The following SCUBE2 variants were observed in gnomAD, a reference collection of about 807,000 sequenced individuals.
SCUBE2 encodes the protein signal peptide, CUB and EGF-like domain-containing protein 2.
In SCUBE2, 114 loss-of-function variants were observed where a neutral mutation model predicts 125.9. The ratio of observed to expected loss-of-function variants is 0.91; its 90% confidence interval spans 0.78 to 1.06. The LOEUF (loss-of-function observed/expected upper bound fraction) is 1.06. SCUBE2 is among the 50% of genes least tolerant of loss of function. The probability of loss-of-function intolerance (pLI) is 0.00; values close to 1 mark genes in which losing one functional copy is unlikely to be tolerated. For synonymous variants in SCUBE2, 459 were observed against 492.9 expected, an observed-to-expected ratio of 0.93 and a Z score of 0.91; for missense variants, 1,255 against 1,301.8, an observed-to-expected ratio of 0.96 and a Z score of 0.55.
At chr11:9,077,756 C>A (rs78375458) in intron 3 of SCUBE2, among the ~76,000 whole-genome samples, 3,136 of 152,338 alleles carry the variant, frequency 0.021, 42 homozygotes, top group Non-Finnish European at 0.032. Context: ...CTCAAGGTCT[C>A]TCTGCAAGGC....
chr11:9,078,952 C>A (rs1178307406), intron 3 of SCUBE2, among the ~76,000 whole-genome samples: 3 of 152,156 alleles, frequency 2.0e-5, no homozygotes, highest in Non-Finnish European at 2.9e-5. Flanking sequence ...GTTTTAGTTT[C>A]TCTCTTTTTC....
rs148839920 is a variant in SCUBE2 at position 9,063,662 on chromosome 11, A to C, written c.850+2229T>G. Among the ~76,000 whole-genome samples, 590 of 152,352 alleles carry C rather than the reference A, an allele frequency of 3.9e-3. 4 individuals carry two copies. The highest frequency in any genetic ancestry group is 0.014 in the African/African-American group (570 of 41,574). On this transcript the variant is annotated intron_variant, in intron 7 of 22. Coordinates refer to ENST00000649792, the MANE Select transcript of SCUBE2 (RefSeq NM_001367977.2). The stretch of plus-strand genomic sequence containing the variant: ...TAAATACCTCTATCTCATTCGCCGG[A>C]TAAACTAATGAGAGACAAGACATAG...
chr11:9,044,228 T>C (rs977889721), intron 16 of SCUBE2, among the ~76,000 whole-genome samples: 5 of 152,204 alleles, frequency 3.3e-5, no homozygotes, highest in Admixed American at 2.0e-4. Flanking sequence ...AAACAACACA[T>C]AGCACTATTC....
chr11:9,027,246 C>T, intron 20 of SCUBE2, 118 bp downstream of exon 20: 1 of 925,574 alleles, frequency 1.1e-6, no homozygotes, highest in Non-Finnish European at 1.7e-6. Flanking sequence ...CTCATGTTCA[C>T]CTCTGCTCTA....
Position 9,047,290 on chromosome 11 carries a change from C to T in SCUBE2, c.2002+66G>A, listed in dbSNP as rs572875981. 5 of 1,550,602 alleles carry T rather than the reference C, an allele frequency of 3.2e-6. No homozygotes were observed. The Admixed American group carries it at 5.1e-5, about 16-fold the overall frequency. The stretch of plus-strand genomic sequence containing the variant: ...AGGGAGGATGGGCCAGACTTGCCTT[C>T]GGTTACCCTGAGTGTTTATGGAGCC... On this transcript the variant is annotated intron_variant, in intron 16 of 22. Coordinates refer to ENST00000649792, the MANE Select transcript of SCUBE2 (RefSeq NM_001367977.2).
intron 2 of SCUBE2, among the ~76,000 whole-genome samples, chr11:9,080,839 A>C (rs1330141123): frequency 6.6e-6 from 1 of 152,136 alleles, no homozygotes; most frequent in African/African-American, 2.4e-5. Flanking sequence ...TTGGTAGAAA[A>C]TATTTGCAAA....
chr11:9,043,949 A>G (rs181319782), intron 16 of SCUBE2, among the ~76,000 whole-genome samples: 2 of 152,362 alleles, frequency 1.3e-5, no homozygotes, highest in East Asian at 3.9e-4. Context: ...GGCAGTATCT[A>G]TTAAAGTTTT....
chr11:9,062,038 T>C (rs73410040), intron 7 of SCUBE2, among the ~76,000 whole-genome samples: 2,297 of 152,310 alleles, frequency 0.015, 48 homozygotes, highest in African/African-American at 0.049. Context: ...TCTCCTATTC[T>C]GGCTATAGCA....
chr11:9,023,429 C>T (rs185862564), intron 21 of SCUBE2, among the ~76,000 whole-genome samples: 3 of 152,208 alleles, frequency 2.0e-5, no homozygotes, highest in Admixed American at 1.3e-4. Flanking sequence ...AATTCCTCTG[C>T]GGCAGTATCT....
intron 16 of SCUBE2, among the ~76,000 whole-genome samples, chr11:9,039,385 A>G (rs1455413673): frequency 6.6e-6 from 1 of 152,236 alleles, no homozygotes. Context: ...GGAGAGGTCA[A>G]GATGACTCAG....
At chr11:9,046,717 T>C (rs1355913369) in intron 16 of SCUBE2, among the ~76,000 whole-genome samples, 1 of 152,230 alleles carries the variant, frequency 6.6e-6, no homozygotes, top group Non-Finnish European at 1.5e-5. Context: ...TTTTCCACTT[T>C]GTTTCTTTTT....
At chr11:9,073,129 A>G (rs1202331755) in intron 4 of SCUBE2, among the ~76,000 whole-genome samples, 1 of 152,216 alleles carries the variant, frequency 6.6e-6, no homozygotes, top group African/African-American at 2.4e-5. Flanking sequence ...AATCAAAAGG[A>G]GAGATGCCCT....
intron 2 of SCUBE2, among the ~76,000 whole-genome samples, chr11:9,082,344 G>A (rs1861706466): frequency 6.6e-6 from 1 of 152,084 alleles, no homozygotes; most frequent in African/African-American, 2.4e-5. Flanking sequence ...TTTTCAGGAA[G>A]TCCAATTTGT....
intron 2 of SCUBE2, among the ~76,000 whole-genome samples, chr11:9,082,775 T>C (rs905370574): frequency 3.9e-5 from 6 of 152,224 alleles, no homozygotes; most frequent in African/African-American, 1.4e-4. Flanking sequence ...AAAAGGCAAA[T>C]ATACAGATAC....
At chr11:9,052,288 G>A (rs74489796) in intron 13 of SCUBE2, among the ~76,000 whole-genome samples, 7,968 of 152,226 alleles carry the variant, frequency 0.052, 266 homozygotes, top group South Asian at 0.09. Context: ...GTCTATATCC[G>A]GGAGGACACA....
intron 21 of SCUBE2, 23 bp downstream of exon 21, chr11:9,025,679 C>G: frequency 6.2e-7 from 1 of 1,612,896 alleles, no homozygotes; most frequent in East Asian, 2.2e-5. Flanking sequence ...ACGCTCTTTC[C>G]ATGTGCTGCA....
At chr11:9,055,939 A>G in intron 9 of SCUBE2, 30 bp from the exon 10 acceptor site, 1 of 1,562,186 alleles carries the variant, frequency 6.4e-7, no homozygotes, top group Non-Finnish European at 8.8e-7. Flanking sequence ...AGGGGAGCTG[A>G]AACCCACTCT....
At chr11:9,050,452 T>C (rs144187994) in intron 14 of SCUBE2, 154 bp downstream of exon 14, 1 of 639,138 alleles carries the variant, frequency 1.6e-6, no homozygotes, top group African/African-American at 1.8e-5. Context: ...CCTCTTGGGA[T>C]GAGTCCCTGG....
chr11:9,064,449 CAG>C (rs1242684236), intron 7 of SCUBE2: 2 of 130,980 alleles, frequency 1.5e-5, no homozygotes, highest in African/African-American at 5.9e-5. Context: ...CTGGGGGCAA[CAG>C]AGTGAGACTC....
Sources: allele counts gnomAD v4.1 joint callset (sites outside exome capture counted in the v4.1 genomes callset), GRCh38; gene constraint gnomAD v4.1.1; transcripts MANE v1.5; gene names NCBI Gene and HGNC (gene_info 2026-07-23, HGNC 2026-07-21).